USP54: variants seen among roughly 807,000 people sequenced by gnomAD.
USP54 encodes the protein ubiquitin carboxyl-terminal hydrolase 54.
A neutral mutation model predicts 170.5 loss-of-function variants in USP54; 87 were observed. The ratio of observed to expected loss-of-function variants is 0.51; its 90% confidence interval spans 0.43 to 0.61. The LOEUF (loss-of-function observed/expected upper bound fraction) is 0.61. USP54 is among the 20% of genes least tolerant of loss of function. The pLI is 0.00. For synonymous variants in USP54, 655 were observed against 742.8 expected (o/e 0.88, Z 1.92); for missense variants, 1,786 against 2,047.8 (o/e 0.87, Z 2.47).
chr10:73,582,360 A>T (rs2076996661), intron 1 of USP54, among the ~76,000 whole-genome samples: 2 of 152,114 alleles, frequency 1.3e-5, no homozygotes, highest in East Asian at 3.8e-4. Flanking sequence ...AACCAGGTGT[A>T]AAGTGTGGGA....
intron 1 of USP54, among the ~76,000 whole-genome samples, chr10:73,616,489 T>G (rs1437635686): frequency 1.3e-5 from 2 of 148,772 alleles, no homozygotes; most frequent in Non-Finnish European, 2.9e-5. Context: ...CAACACACAC[T>G]AGGGCCTGTG....
At chr10:73,540,269 A>T (rs773428095) in intron 9 of USP54, among the ~76,000 whole-genome samples, 1 of 150,910 alleles carries the variant, frequency 6.6e-6, no homozygotes, top group Non-Finnish European at 1.5e-5. Flanking sequence ...GGAAAGTTGG[A>T]TTAAAAAAAA....
intron 4 of USP54, among the ~76,000 whole-genome samples, chr10:73,554,719 C>T (rs1298896098): frequency 6.6e-6 from 1 of 152,224 alleles, no homozygotes; most frequent in Non-Finnish European, 1.5e-5. Context: ...ATCTATACCA[C>T]CCATCCACTT....
At chr10:73,523,921 T>C (rs1056161855) in intron 16 of USP54, among the ~76,000 whole-genome samples, 171 bp from the exon 17 acceptor site, 1 of 147,908 alleles carries the variant, frequency 6.8e-6, no homozygotes, top group Non-Finnish European at 1.5e-5. Context: ...TTATTATTAT[T>C]ATTTTGAGAC....
chr10:73,538,318 A>G (rs2065739543), intron 10 of USP54: 1 of 152,222 alleles, frequency 6.6e-6, no homozygotes, highest in African/African-American at 2.4e-5. Context: ...AGGTAAAGCT[A>G]CGTTACTACA....
At chr10:73,532,251 C>T (rs1406461142) in intron 12 of USP54, among the ~76,000 whole-genome samples, 1 of 152,126 alleles carries the variant, frequency 6.6e-6, no homozygotes, top group Non-Finnish European at 1.5e-5. Context: ...CAACTCACTG[C>T]AAGCTCCGCC....
intron 15 of USP54, chr10:73,528,902 C>T (rs978279751): frequency 2.6e-5 from 4 of 152,092 alleles, no homozygotes; most frequent in African/African-American, 7.2e-5. Flanking sequence ...ATATACCCAT[C>T]ATCTCATATA....
intron 1 of USP54, among the ~76,000 whole-genome samples, chr10:73,608,941 C>CCTAGGA (rs1464409451): frequency 6.6e-6 from 1 of 151,958 alleles, no homozygotes; most frequent in African/African-American, 2.4e-5. Flanking sequence ...AGGCATAGGC[C>CCTAGGA]CTAGGAATAT....
At chr10:73,532,605 G>C (rs1263874915) in intron 12 of USP54, among the ~76,000 whole-genome samples, 1 of 151,954 alleles carries the variant, frequency 6.6e-6, no homozygotes, top group Admixed American at 6.6e-5. Context: ...TCAAAAAGTG[G>C]GTCTAAAAAA....
rs1315915410 is a variant in USP54 at position 73,498,808 on chromosome 10, A to G, written c.4876T>C (p.Ser1626Pro). The G allele has an allele frequency of 2.5e-6, 4 of 1,611,904 alleles. No homozygotes were observed. The East Asian group carries it at 8.9e-5, about 36-fold the overall frequency. Reference protein sequence around the residue: ...SAWNSDPVPGSRTPGPRRVDM... With the variant: ...SAWNSDPVPGPRTPGPRRVDM... ...ACTCTTCGAGGACCAGGGGTTCGGGACCCTGGAACAGGATCTGAATTCCAA... is the reference window on the plus strand; with the variant it reads ...ACTCTTCGAGGACCAGGGGTTCGGGGCCCTGGAACAGGATCTGAATTCCAA... The change falls in exon 24 of 24, where the codon TCC (serine) becomes CCC (proline). Residue 1626 changes from serine (S) to proline (P), a missense_variant. Around this residue, in one of 3 missense-constraint regions of USP54, gnomAD observed 1,418 missense variants for 1,569.0 expected, o/e 0.90. Transcript: ENST00000687698.
intron 12 of USP54, among the ~76,000 whole-genome samples, chr10:73,533,740 A>G (rs2064558866): frequency 6.6e-6 from 1 of 152,212 alleles, no homozygotes; most frequent in Non-Finnish European, 1.5e-5. Context: ...TGACATGGGC[A>G]TACTCTCCTA....
intron 1 of USP54, among the ~76,000 whole-genome samples, chr10:73,611,251 AAGAC>A (rs2080116537): frequency 6.6e-6 from 1 of 152,214 alleles, no homozygotes; most frequent in South Asian, 2.1e-4. Context: ...CTGGGAGAAA[AAGAC>A]AGAAAAGTGA....
At chr10:73,569,220 T>A (rs1023279210) in intron 4 of USP54, among the ~76,000 whole-genome samples, 8 of 152,222 alleles carry the variant, frequency 5.3e-5, no homozygotes, top group Non-Finnish European at 1.2e-4. Flanking sequence ...TTTTTGTTGT[T>A]GTTTTTTTCT....
chr10:73,602,092 A>G (rs1008909735), intron 1 of USP54, among the ~76,000 whole-genome samples: 1 of 152,224 alleles, frequency 6.6e-6, no homozygotes, highest in Non-Finnish European at 1.5e-5. Flanking sequence ...AAATTAGCCA[A>G]GGCAGCTAAA....
In USP54 at chr10:73,558,283, T is replaced by C. The variant is rs561490245; in HGVS notation, c.241-12611A>G. 2.6e-5 allele frequency among the ~76,000 whole-genome samples: 4 copies of C among 152,292 alleles called. No homozygotes were observed. The South Asian group carries it at 6.2e-4, about 24-fold the overall frequency. On this transcript the variant is annotated intron_variant, in intron 4 of 23. Transcript: ENST00000687698. ...TGAAAGGCATAATTAGTAACTTGCA[T>C]GCAAGATTTTGAGGCTGAATTTGCT...
Position 73,575,374 on chromosome 10 carries a change from C to T in USP54, c.147+138G>A, listed in dbSNP as rs990870884. The T allele has an allele frequency of 3.9e-6, 4 of 1,017,966 alleles. No homozygotes were observed. The South Asian group carries it at 8.2e-5, about 21-fold the overall frequency. 63.1% of individuals were successfully genotyped at this position (1,017,966 alleles called of 1,614,324 possible). On this transcript the variant is annotated intron_variant, in intron 3 of 23. Coordinates refer to ENST00000687698, the MANE Select transcript of USP54 (RefSeq NM_001391956.1). ...ATAAAGTGACTTGCCAAAGATCACA[C>T]AGATAAATGTAAAAATTATCTCAGG...
At chr10:73,575,449 T>C (rs1462143594) in intron 3 of USP54, 63 bp downstream of exon 3, 10 of 1,475,474 alleles carry the variant, frequency 6.8e-6, no homozygotes, top group Non-Finnish European at 8.1e-6. Context: ...AAAAGAGTTA[T>C]CAGAAATACA....
rs1349681240 is a variant in USP54, at chr10:73,621,263, TA to T, written c.-18+4303del. On this transcript the variant is annotated intron_variant, in intron 1 of 22. Transcript: ENST00000339859. ...AAAAAAAAACCTGAAAGCAAATATA[TA>T]AAAACATGTGACACATACATACATT... Among the ~76,000 whole-genome samples, 4 of 149,140 alleles carry T rather than the reference TA, an allele frequency of 2.7e-5. 1 individual carries two copies. Among genetic ancestry groups the T allele is most frequent in the African/African-American group, 7.7e-5 (3 of 39,088 alleles).
chr10:73,548,816 A>T (rs1048919913), intron 4 of USP54, among the ~76,000 whole-genome samples: 1 of 152,214 alleles, frequency 6.6e-6, no homozygotes, highest in Non-Finnish European at 1.5e-5. Flanking sequence ...CAACACATGT[A>T]TACCTATGTA....
Sources: gnomAD v4.1 joint callset for allele counts (sites outside exome capture counted in the v4.1 genomes callset) on GRCh38, gnomAD v4.1.1 for gene constraint, gnomAD v4.1.1 regional missense constraint, MANE v1.5 for transcripts, NCBI Gene and HGNC (gene_info 2026-07-23, HGNC 2026-07-21) for gene names.